CSNK2A2IP: variants seen among roughly 807,000 people sequenced by gnomAD.
The protein encoded by CSNK2A2IP is casein kinase 2 subunit alpha' interacting protein, also known as casein kinase II subunit alpha'-interacting protein.
the CSNK2A2IP span, among the ~76,000 whole-genome samples, chr3:88,451,969 C>T: frequency 6.6e-6 from 1 of 151,906 alleles, no homozygotes; most frequent in East Asian, 1.9e-4. Context: ...TGTCCTGTGC[C>T]TTTAAGATTT....
chr3:88,379,000 A>G, the CSNK2A2IP span, among the ~76,000 whole-genome samples: 1 of 152,188 alleles, frequency 6.6e-6, no homozygotes, highest in East Asian at 1.9e-4. Flanking sequence ...TGACTATATG[A>G]TACCTTAAGG....
the CSNK2A2IP span, among the ~76,000 whole-genome samples, chr3:88,382,133 G>C: frequency 1.3e-5 from 2 of 152,112 alleles, no homozygotes; most frequent in Non-Finnish European, 2.9e-5. Context: ...AATCTAACTT[G>C]TTCAGTTAGC....
the CSNK2A2IP span, chr3:88,467,341 A>G: frequency 2.5e-6 from 1 of 397,184 alleles, no homozygotes; most frequent in Middle Eastern, 6.3e-4. Context: ...TATGACCCTC[A>G]CTCTCTCACG....
chr3:88,352,539 A>G, the CSNK2A2IP span, among the ~76,000 whole-genome samples: 1 of 152,230 alleles, frequency 6.6e-6, no homozygotes, highest in Non-Finnish European at 1.5e-5. Context: ...AGACTAAAAA[A>G]AGAAATATTG....
At chr3:88,368,462 C>T in the CSNK2A2IP span, among the ~76,000 whole-genome samples, 2 of 151,932 alleles carry the variant, frequency 1.3e-5, no homozygotes, top group East Asian at 3.9e-4. Context: ...GCCATAGAGA[C>T]AGACAAATTA....
At chr3:88,361,928 C>A in the CSNK2A2IP span, among the ~76,000 whole-genome samples, 1 of 151,998 alleles carries the variant, frequency 6.6e-6, no homozygotes, top group African/African-American at 2.4e-5. Flanking sequence ...GTTTTCAGCT[C>A]AAGAAGTTTT....
At chr3:88,351,823 T>A in the CSNK2A2IP span, among the ~76,000 whole-genome samples, 66,605 of 151,966 alleles carry the variant, frequency 0.44, 15,849 homozygotes, top group South Asian at 0.62. Context: ...AAAACATTCC[T>A]TATTCCATGA....
At chr3:88,395,926 T>C in the CSNK2A2IP span, among the ~76,000 whole-genome samples, 2 of 152,170 alleles carry the variant, frequency 1.3e-5, no homozygotes, top group African/African-American at 4.8e-5. Flanking sequence ...AATTGGTGGC[T>C]ATATTGAACT....
At chr3:88,346,909 T>C in the CSNK2A2IP span, among the ~76,000 whole-genome samples, 1 of 151,868 alleles carries the variant, frequency 6.6e-6, no homozygotes, top group African/African-American at 2.4e-5. Context: ...AAAGTTAAAT[T>C]AAAAACCTTT....
the CSNK2A2IP span, among the ~76,000 whole-genome samples, chr3:88,408,839 T>G: frequency 4.1e-5 from 6 of 144,666 alleles, no homozygotes; most frequent in Non-Finnish European, 7.5e-5. Context: ...TGTTTTAATG[T>G]TTTTTTTTTG....
At chr3:88,458,889 G>T in the CSNK2A2IP span, among the ~76,000 whole-genome samples, 1 of 152,086 alleles carries the variant, frequency 6.6e-6, no homozygotes, top group African/African-American at 2.4e-5. Context: ...TAAATTTATT[G>T]ACACTTGTTG....
At chr3:88,427,619 G>T in the CSNK2A2IP span, among the ~76,000 whole-genome samples, 1 of 152,248 alleles carries the variant, frequency 6.6e-6, no homozygotes. Context: ...CCCAGTGGTG[G>T]CCAAAAGGGG....
the CSNK2A2IP span, among the ~76,000 whole-genome samples, chr3:88,380,441 CTTAAATA>C: frequency 2.9e-4 from 44 of 151,450 alleles, no homozygotes; most frequent in African/African-American, 9.4e-4. Flanking sequence ...GTTTAATTTT[CTTAAATA>C]TTATCTTAGA....
At chr3:88,431,129 C>T in the CSNK2A2IP span, 1 of 152,038 alleles carries the variant, frequency 6.6e-6, no homozygotes, top group Non-Finnish European at 1.5e-5. Context: ...AATTAAATTC[C>T]AGGATAACAG....
the CSNK2A2IP span, among the ~76,000 whole-genome samples, chr3:88,441,121 A>G: frequency 1.3e-5 from 2 of 152,156 alleles, no homozygotes; most frequent in African/African-American, 4.8e-5. Context: ...AAGGAATAGT[A>G]CTCTATATTA....
chr3:88,354,662 A>G, the CSNK2A2IP span, among the ~76,000 whole-genome samples: 1 of 152,220 alleles, frequency 6.6e-6, no homozygotes, highest in Non-Finnish European at 1.5e-5. Context: ...TGATGGTAGT[A>G]GAGAAGTATT....
the CSNK2A2IP span, among the ~76,000 whole-genome samples, chr3:88,456,657 CTT>C: frequency 0.64 from 90,191 of 139,958 alleles, 30,956 homozygotes; most frequent in Non-Finnish European, 0.76. Context: ...TCTTCCTTTC[CTT>C]TTTTTTTTTT....
the CSNK2A2IP span, among the ~76,000 whole-genome samples, chr3:88,359,039 C>G: frequency 0.016 from 2,346 of 148,078 alleles, 35 homozygotes; most frequent in Non-Finnish European, 0.025. Flanking sequence ...TACGCGTGCT[C>G]TTTTTTTTTG....
At chr3:88,464,776 G>C in the CSNK2A2IP span, among the ~76,000 whole-genome samples, 1 of 152,004 alleles carries the variant, frequency 6.6e-6, no homozygotes, top group African/African-American at 2.4e-5. Context: ...ATAATTAAAA[G>C]AGCACCAGTG....
Sources: allele counts gnomAD v4.1 joint callset (sites outside exome capture counted in the v4.1 genomes callset), GRCh38; gene constraint gnomAD v4.1.1; transcripts MANE v1.5; gene names NCBI Gene and HGNC (gene_info 2026-07-23, HGNC 2026-07-21).